The following DOCK3 variants were observed in gnomAD, a reference collection of about 807,000 sequenced individuals.
DOCK3 encodes dedicator of cytokinesis 3, also known as dedicator of cytokinesis protein 3.
DOCK3 carries 60 observed loss-of-function variants against 265.6 expected under a neutral mutation model. The ratio of observed to expected loss-of-function variants is 0.23; its 90% CI spans 0.18 to 0.28. The LOEUF is 0.28. Among genes scored for constraint, DOCK3 ranks in the 10% least tolerant of loss-of-function variants. DOCK3 has a pLI of 1.00. For synonymous variants in DOCK3, 881 were observed against 938.0 expected, an observed-to-expected ratio of 0.94 and a Z score of 1.11; for missense variants, 1,981 against 2,594.3, an observed-to-expected ratio of 0.76 and a Z score of 5.14.
intron 35 of DOCK3, chr3:51,336,792 A>G (rs779086785): frequency 2.3e-5 from 10 of 443,304 alleles, no homozygotes; most frequent in African/African-American, 4.0e-5. Flanking sequence ...TAAGGGACTT[A>G]GCTATGAAGT....
intron 1 of DOCK3, among the ~76,000 whole-genome samples, chr3:50,682,367 T>C (rs2034474874): frequency 6.6e-6 from 1 of 152,198 alleles, no homozygotes. Flanking sequence ...CATCATGTCT[T>C]TGTTCATATT....
intron 25 of DOCK3, among the ~76,000 whole-genome samples, chr3:51,276,090 A>G (rs528179178): frequency 1.3e-5 from 2 of 152,338 alleles, no homozygotes; most frequent in Admixed American, 1.3e-4. Flanking sequence ...ATATACAAGG[A>G]TAGGCTATCC....
At chr3:50,817,116 C>T (rs1390677248) in intron 2 of DOCK3, among the ~76,000 whole-genome samples, 2 of 152,180 alleles carry the variant, frequency 1.3e-5, no homozygotes, top group Non-Finnish European at 1.5e-5. Flanking sequence ...ATTCATGCCT[C>T]CTCATTTTAG....
intron 5 of DOCK3, among the ~76,000 whole-genome samples, chr3:51,060,708 AAGC>A (rs1051530368): frequency 2.0e-4 from 30 of 152,278 alleles, no homozygotes; most frequent in African/African-American, 7.0e-4. Flanking sequence ...GGTTGTAGAT[AAGC>A]AGCATTATTT....
chr3:51,335,126 C>G (rs1200916060), intron 35 of DOCK3, among the ~76,000 whole-genome samples: 1 of 152,028 alleles, frequency 6.6e-6, no homozygotes, highest in East Asian at 1.9e-4. Context: ...TACATTTTCT[C>G]TAATCCCATA....
chr3:50,965,239 G>A (rs1235982848), intron 5 of DOCK3, among the ~76,000 whole-genome samples: 2 of 152,012 alleles, frequency 1.3e-5, no homozygotes, highest in Admixed American at 1.3e-4. Flanking sequence ...AAGAAATGAC[G>A]ATGAATTTGA....
intron 37 of DOCK3, among the ~76,000 whole-genome samples, chr3:51,339,553 A>C (rs1169787278): frequency 6.6e-6 from 1 of 152,254 alleles, no homozygotes; most frequent in Admixed American, 6.5e-5. Context: ...AAGAATGTTC[A>C]TCTGACTTCT....
chr3:50,751,192 G>A (rs1024905505), intron 1 of DOCK3, among the ~76,000 whole-genome samples: 2 of 151,968 alleles, frequency 1.3e-5, no homozygotes, highest in Non-Finnish European at 2.9e-5. Flanking sequence ...CTATTTCTAA[G>A]GAAAAAGAAG....
chr3:50,742,216 C>A (rs988139770), intron 1 of DOCK3, among the ~76,000 whole-genome samples: 2 of 151,932 alleles, frequency 1.3e-5, no homozygotes, highest in African/African-American at 2.4e-5. Flanking sequence ...CATCAAAGAC[C>A]AAAAGTAGAT....
At chr3:51,209,560 C>T (rs192403818) in intron 13 of DOCK3, among the ~76,000 whole-genome samples, 3 of 152,152 alleles carry the variant, frequency 2.0e-5, no homozygotes, top group African/African-American at 7.2e-5. Flanking sequence ...TTACGCAGAA[C>T]CAGGTTACTC....
Position 51,229,620 on chromosome 3 carries a change from C to A in DOCK3, c.1917+11C>A. 3.2e-6 allele frequency: 5 copies of A among 1,582,778 alleles called. No individual in the cohort carries two copies. The East Asian group carries it at 9.2e-5, about 29-fold the overall frequency. ...GAGGAAATTGTTAAGGTATGTCTTC[C>A]ATATAATTTAAACATACTGCATGAG... On this transcript the variant is annotated intron_variant, in intron 19 of 52. Coordinates refer to ENST00000266037, the MANE Select transcript of DOCK3 (RefSeq NM_004947.5).
At chr3:50,871,188 ACAGGT>A (rs1223086947) in intron 3 of DOCK3, among the ~76,000 whole-genome samples, 1 of 152,002 alleles carries the variant, frequency 6.6e-6, no homozygotes, top group Non-Finnish European at 1.5e-5. Flanking sequence ...TTTTTGTAGG[ACAGGT>A]CTGGTGTTAA....
intron 11 of DOCK3, among the ~76,000 whole-genome samples, chr3:51,159,667 G>A (rs929695863): frequency 6.6e-6 from 1 of 152,082 alleles, no homozygotes; most frequent in Non-Finnish European, 1.5e-5. Flanking sequence ...CAACTTCACA[G>A]CAAAGGCCAT....
At chr3:50,913,113 C>T (rs1218142846) in intron 4 of DOCK3, among the ~76,000 whole-genome samples, 1 of 152,066 alleles carries the variant, frequency 6.6e-6, no homozygotes, top group Non-Finnish European at 1.5e-5. Context: ...TGACATAGTA[C>T]CTGGGTATCA....
chr3:51,145,641 A>C (rs1255625966), intron 9 of DOCK3, among the ~76,000 whole-genome samples: 2 of 152,004 alleles, frequency 1.3e-5, no homozygotes, highest in African/African-American at 4.8e-5. Context: ...CATTAGTGTT[A>C]GTGTATTTTA....
chr3:51,198,256 G>A (rs2088448199), intron 12 of DOCK3, among the ~76,000 whole-genome samples: 1 of 152,234 alleles, frequency 6.6e-6, no homozygotes, highest in South Asian at 2.1e-4. Flanking sequence ...ACCTGCTTCT[G>A]CACCTTGCAC....
intron 3 of DOCK3, among the ~76,000 whole-genome samples, chr3:50,884,102 T>TTTTA (rs1164346633): frequency 1.4e-4 from 21 of 152,224 alleles, no homozygotes; most frequent in Non-Finnish European, 5.9e-5. Context: ...TTTTTTTTTT[T>TTTTA]TTTAATTTTT....
intron 1 of DOCK3, among the ~76,000 whole-genome samples, chr3:50,771,280 T>G (rs1488510971): frequency 1.3e-5 from 2 of 152,062 alleles, no homozygotes; most frequent in African/African-American, 4.8e-5. Flanking sequence ...GATCAAAAAA[T>G]GGGCAAAAGA....
intron 1 of DOCK3, among the ~76,000 whole-genome samples, chr3:50,697,311 T>C (rs2107786460): frequency 6.6e-6 from 1 of 152,200 alleles, no homozygotes; most frequent in East Asian, 1.9e-4. Context: ...AATGCAAGTC[T>C]GGGCATGGTG....
Sources: gnomAD v4.1 joint callset for allele counts (sites outside exome capture counted in the v4.1 genomes callset) on GRCh38, gnomAD v4.1.1 for gene constraint, MANE v1.5 for transcripts, NCBI Gene and HGNC (gene_info 2026-07-23, HGNC 2026-07-21) for gene names.